Variants in ERBB4 observed in about 807,000 individuals in gnomAD.
ERBB4 encodes the protein receptor tyrosine-protein kinase erbB-4.
A neutral mutation model predicts 158.0 loss-of-function variants in ERBB4; 42 were observed. The observed-to-expected ratio is 0.27, with a 90% CI of 0.21 to 0.34. The LOEUF is 0.34. ERBB4 is among the 10% of genes least tolerant of loss of function. ERBB4 has a pLI of 1.00. For missense variants in ERBB4, 1,333 were observed against 1,624.1 expected (o/e 0.82, Z 3.08); for synonymous variants, 583 against 558.7 (o/e 1.04, Z -0.61).
chr2:211,653,535 A>T (rs1008488969), intron 16 of ERBB4, among the ~76,000 whole-genome samples: 8 of 127,018 alleles, frequency 6.3e-5, no homozygotes, highest in African/African-American at 2.4e-4. Flanking sequence ...AATGGGGTGG[A>T]AGGACTATGA....
At chr2:211,698,485 T>C (rs974361671) in intron 12 of ERBB4, among the ~76,000 whole-genome samples, 8 of 151,892 alleles carry the variant, frequency 5.3e-5, no homozygotes, top group African/African-American at 1.4e-4. Flanking sequence ...TCCTTATCCA[T>C]ACATATGAAA....
rs2125310273 is a variant in ERBB4 at position 211,383,843 on chromosome 2, G to A, written c.3699C>T (p.Ala1233=). Reference sequence around the variant, plus strand: ...AGTCAGGGTTGTCAAACGCTTTCTTGGCCTTCTCTGGCATTGACAGTATGT... The same window carrying A: ...AGTCAGGGTTGTCAAACGCTTTCTTAGCCTTCTCTGGCATTGACAGTATGT... The part of the protein sequence containing the change: ...KNNILSMPEK[A]KKAFDNPDYW... Residue 1233 remains alanine, a synonymous_variant, in exon 28 of 28, where the codon GCC becomes GCT. Coordinates refer to ENST00000342788, the MANE Select transcript of ERBB4 (RefSeq NM_005235.3). 1 of 1,614,118 alleles carries A rather than the reference G, an allele frequency of 6.2e-7. No homozygotes were observed. Among genetic ancestry groups the A allele is most frequent in the Non-Finnish European group, 8.5e-7 (1 of 1,180,014 alleles).
chr2:211,895,163 T>G (rs115970481), intron 3 of ERBB4, among the ~76,000 whole-genome samples: 96 of 152,304 alleles, frequency 6.3e-4, no homozygotes, highest in African/African-American at 2.2e-3. Flanking sequence ...CAAATGAATG[T>G]GAACTGGAAA....
intron 1 of ERBB4, among the ~76,000 whole-genome samples, chr2:212,327,827 AG>A (rs2087929018): frequency 6.8e-6 from 1 of 147,910 alleles, no homozygotes; most frequent in African/African-American, 2.5e-5. Context: ...ACACTTAAAA[AG>A]CATAGATTTT....
At position 212,132,713 on chromosome 2, in the gene ERBB4, G is replaced by C. The variant is rs191170465; in HGVS notation, c.83-7810C>G. 4.3e-4 allele frequency among the ~76,000 whole-genome samples: 66 copies of C among 152,154 alleles called. 1 individual carries two copies. Among genetic ancestry groups the C allele is most frequent in the African/African-American group, 1.5e-3 (64 of 41,516 alleles). The stretch of plus-strand genomic sequence containing the variant: ...CTAGCTTGCAGATGGCAGATTGTGA[G>C]ACTTCTCAGCCTCCATAATTGTGTG... On this transcript the variant is annotated intron_variant, in intron 1 of 27. Coordinates refer to ENST00000342788, the MANE Select transcript of ERBB4 (RefSeq NM_005235.3).
intron 1 of ERBB4, among the ~76,000 whole-genome samples, chr2:212,264,975 C>T (rs981217470): frequency 2.6e-5 from 4 of 152,096 alleles, no homozygotes; most frequent in Non-Finnish European, 4.4e-5. Context: ...TAGTTGGCTG[C>T]CTCCTACTGT....
At chr2:212,200,000 G>T (rs1035306208) in intron 1 of ERBB4, among the ~76,000 whole-genome samples, 7 of 152,252 alleles carry the variant, frequency 4.6e-5, no homozygotes, top group East Asian at 1.9e-4. Flanking sequence ...TAGAACTGAA[G>T]AATTTTTAAC....
At chr2:211,754,544 G>T (rs974874603) in intron 4 of ERBB4, among the ~76,000 whole-genome samples, 2 of 151,468 alleles carry the variant, frequency 1.3e-5, no homozygotes, top group African/African-American at 4.9e-5. Flanking sequence ...GGGATTACAG[G>T]TGCCTGCCAT....
intron 22 of ERBB4, among the ~76,000 whole-genome samples, chr2:211,425,170 CACAATAATATT>C (rs1051576745): frequency 6.6e-6 from 1 of 151,968 alleles, no homozygotes; most frequent in Non-Finnish European, 1.5e-5. Flanking sequence ...GCTAGCTGGG[CACAATAATATT>C]ACAAAGTGAA....
At chr2:211,938,799 C>A (rs1559141757) in intron 3 of ERBB4, among the ~76,000 whole-genome samples, 1 of 152,106 alleles carries the variant, frequency 6.6e-6, no homozygotes, top group Non-Finnish European at 1.5e-5. Context: ...TATCTCAGCA[C>A]AATGACTTGA....
At chr2:211,797,977 T>C (rs1159991307) in intron 3 of ERBB4, among the ~76,000 whole-genome samples, 1 of 152,114 alleles carries the variant, frequency 6.6e-6, no homozygotes, top group African/African-American at 2.4e-5. Context: ...TTGCTTTGTA[T>C]ACAGTTTCAA....
chr2:211,462,567 G>GT (rs1177937075), intron 20 of ERBB4, among the ~76,000 whole-genome samples: 2 of 152,042 alleles, frequency 1.3e-5, no homozygotes, highest in Non-Finnish European at 2.9e-5. Context: ...GAAGAAAAGG[G>GT]TTTTTTAAGG....
At chr2:211,621,759 A>T (rs558028285) in intron 18 of ERBB4, among the ~76,000 whole-genome samples, 1 of 152,272 alleles carries the variant, frequency 6.6e-6, no homozygotes, top group Non-Finnish European at 1.5e-5. Context: ...ATACATTTAA[A>T]TTTTTCCATT....
In ERBB4 at chr2:212,454,809, A is replaced by G. The variant is rs560297728; in HGVS notation, c.82+83640T>C. On this transcript the variant is annotated intron_variant, in intron 1 of 27. Transcript: ENST00000342788. Reference sequence around the variant, plus strand: ...TTCACTCTAGGTCTGTTTCCACATCAACAAAGTGAAGCAGTTGGACTCAAT... The same window carrying G: ...TTCACTCTAGGTCTGTTTCCACATCGACAAAGTGAAGCAGTTGGACTCAAT... Among the ~76,000 whole-genome samples, 4 of 152,264 alleles carry G rather than the reference A, an allele frequency of 2.6e-5. No individual in the cohort carries two copies. In the South Asian group the frequency reaches 8.3e-4, roughly 32 times the overall value.
chr2:211,772,953 A>ATTT lies in ERBB4; in HGVS notation c.556+15071_556+15072insAAA, dbSNP rs1279482810. ...TATATATATATATATATATATATAT[A>ATTT]TATTTTTTTTTTTAAAGATGGGGTC... On this transcript the variant is annotated intron_variant, in intron 4 of 27. Coordinates refer to ENST00000342788, the MANE Select transcript of ERBB4 (RefSeq NM_005235.3). 2.1e-3 allele frequency among the ~76,000 whole-genome samples: 165 copies of ATTT among 77,092 alleles called. 14 individuals are homozygous for ATTT. Among genetic ancestry groups the ATTT allele is most frequent in the African/African-American group, 2.5e-3 (41 of 16,460 alleles). 50.6% of individuals were successfully genotyped at this position (77,092 alleles called of 152,430 possible). A position where few individuals can be genotyped will look rare whatever the true frequency, so the allele number is the denominator to read the frequency against.
At chr2:211,966,654 C>A (rs947068740) in intron 2 of ERBB4, among the ~76,000 whole-genome samples, 1 of 152,074 alleles carries the variant, frequency 6.6e-6, no homozygotes, top group Non-Finnish European at 1.5e-5. Flanking sequence ...TGTTTATATA[C>A]CATTACATGT....
intron 4 of ERBB4, among the ~76,000 whole-genome samples, chr2:211,785,865 A>AT (rs1160044835): frequency 6.6e-6 from 1 of 152,120 alleles, no homozygotes; most frequent in Non-Finnish European, 1.5e-5. Context: ...AATTCATTTT[A>AT]TGTATTTATT....
chr2:212,120,093 T>C (rs993684605), intron 2 of ERBB4, among the ~76,000 whole-genome samples: 2 of 152,260 alleles, frequency 1.3e-5, no homozygotes, highest in Admixed American at 1.3e-4. Flanking sequence ...AGAAGTAGTG[T>C]AGGAAACAGA....
chr2:212,229,974 T>C (rs1043329329), intron 1 of ERBB4, among the ~76,000 whole-genome samples: 1 of 152,044 alleles, frequency 6.6e-6, no homozygotes, highest in African/African-American at 2.4e-5. Flanking sequence ...ATGCACAGAA[T>C]GAACAGAAAT....
Sources: allele counts gnomAD v4.1 joint callset (sites outside exome capture counted in the v4.1 genomes callset), GRCh38; gene constraint gnomAD v4.1.1; transcripts MANE v1.5; gene names NCBI Gene and HGNC (gene_info 2026-07-23, HGNC 2026-07-21).